DCLRE1C: variants seen among roughly 807,000 people sequenced by gnomAD.
DCLRE1C encodes protein artemis.
Under a neutral mutation model 61.4 loss-of-function variants are expected in DCLRE1C, and 47 were observed. The observed-to-expected ratio is 0.77, with a 90% CI of 0.61 to 0.98. The LOEUF (loss-of-function observed/expected upper bound fraction) is 0.98. DCLRE1C is among the 50% of genes least tolerant of loss of function. DCLRE1C has a pLI of 0.00. For missense variants in DCLRE1C, 858 were observed against 816.0 expected (o/e 1.05, Z -0.63); for synonymous variants, 337 against 287.6 (o/e 1.17, Z -1.74).
chr10:14,899,364 C>A, intron 13 of DCLRE1C: 1 of 724,718 alleles, frequency 1.4e-6, no homozygotes, highest in Non-Finnish European at 2.4e-6. Flanking sequence ...TTTTCTTCCC[C>A]TCATTTTCCC....
In DCLRE1C at chr10:14,905,866, C is replaced by T. The variant is rs1834348266; in HGVS notation, c.*2542G>A. The stretch of plus-strand genomic sequence containing the variant: ...CAGGTGTGGCACACACCTGTAATCC[C>T]AGCTACTTGGGAGGCTGAGGCAGGA... On this transcript the variant is annotated 3_prime_UTR_variant, in exon 14 of 14. Transcript: ENST00000378278. Among the ~76,000 whole-genome samples the T allele has an allele frequency of 6.6e-6, 1 of 152,146 alleles. No individual in the cohort carries two copies. The highest frequency in any genetic ancestry group is 2.4e-5 in the African/African-American group (1 of 41,426).
intron 10 of DCLRE1C, 96 bp downstream of exon 10, chr10:14,927,920 T>C: frequency 1.0e-6 from 1 of 998,304 alleles, no homozygotes; most frequent in Non-Finnish European, 1.4e-6. Flanking sequence ...TATATAATTA[T>C]ATTCTTGGGC....
At chr10:14,938,595 A>C (rs1008664249) in intron 4 of DCLRE1C, among the ~76,000 whole-genome samples, 17 of 152,200 alleles carry the variant, frequency 1.1e-4, no homozygotes, top group Non-Finnish European at 2.4e-4. Context: ...AAAGGTTAAA[A>C]AAAGGGGGGC....
chr10:14,925,186 C>T (rs1198842681), intron 11 of DCLRE1C, among the ~76,000 whole-genome samples: 1 of 142,182 alleles, frequency 7.0e-6, no homozygotes, highest in Non-Finnish European at 1.5e-5. Flanking sequence ...AAAGCTGAGG[C>T]TGGTAGAAAT....
chr10:14,945,580 C>A, intron 2 of DCLRE1C: 3 of 1,031,676 alleles, frequency 2.9e-6, no homozygotes, highest in Non-Finnish European at 3.5e-6. Flanking sequence ...AAAGATACCG[C>A]CACACATTAC....
At chr10:14,912,163 G>A (rs552593990) in intron 13 of DCLRE1C, among the ~76,000 whole-genome samples, 2 of 152,304 alleles carry the variant, frequency 1.3e-5, no homozygotes, top group East Asian at 1.9e-4. Flanking sequence ...TAAGGCTGGA[G>A]ACTTGATCTG....
intron 13 of DCLRE1C, among the ~76,000 whole-genome samples, chr10:14,916,508 G>A (rs1195042812): frequency 6.6e-6 from 1 of 152,142 alleles, no homozygotes; most frequent in East Asian, 1.9e-4. Flanking sequence ...TGATTAAAGA[G>A]GTTCAACCAT....
downstream of DCLRE1C, among the ~76,000 whole-genome samples, chr10:14,900,046 C>A (rs193296392): frequency 6.6e-6 from 1 of 152,172 alleles, no homozygotes; most frequent in Non-Finnish European, 1.5e-5. Flanking sequence ...TGGAAGTTAA[C>A]ACGACTACAT....
intron 13 of DCLRE1C, among the ~76,000 whole-genome samples, chr10:14,916,215 G>A (rs185514364): frequency 6.6e-6 from 1 of 152,252 alleles, no homozygotes; most frequent in African/African-American, 2.4e-5. Flanking sequence ...ACCCACTCTT[G>A]CCACTTGTTT....
chr10:14,919,468 A>C (rs758428501), intron 13 of DCLRE1C, among the ~76,000 whole-genome samples: 7 of 152,156 alleles, frequency 4.6e-5, no homozygotes, highest in Non-Finnish European at 8.8e-5. Context: ...GCCTCTACTG[A>C]TCTTAGGGTG....
chr10:14,933,166 C>G (rs41297952), intron 8 of DCLRE1C, among the ~76,000 whole-genome samples: 36 of 152,172 alleles, frequency 2.4e-4, no homozygotes, highest in African/African-American at 8.2e-4. Context: ...CCATCACTGA[C>G]GTCAGTGAAC....
downstream of DCLRE1C, chr10:14,902,509 C>G: frequency 6.4e-7 from 1 of 1,565,974 alleles, no homozygotes; most frequent in Non-Finnish European, 8.6e-7. Flanking sequence ...GTTACCTCAA[C>G]TGAACTTTTT....
chr10:14,927,015 A>G (rs556966079), intron 10 of DCLRE1C, 118 bp from the exon 11 acceptor site: 3 of 797,968 alleles, frequency 3.8e-6, no homozygotes, highest in Non-Finnish European at 6.4e-6. Flanking sequence ...GGCTCGCTTC[A>G]GCAGCAAGTG....
At chr10:14,940,420 C>G (rs1840686752) in intron 3 of DCLRE1C, among the ~76,000 whole-genome samples, 1 of 151,940 alleles carries the variant, frequency 6.6e-6, no homozygotes, top group Non-Finnish European at 1.5e-5. Flanking sequence ...TCCCAAGTAG[C>G]TGGGATGACA....
At chr10:14,902,562 T>C, downstream of DCLRE1C, 1 of 1,183,100 alleles carries the variant, frequency 8.5e-7, no homozygotes, top group Non-Finnish European at 1.2e-6. Flanking sequence ...TTCCTAATGT[T>C]AACATTTTTA....
chr10:14,934,334 A>AC (rs763858712), intron 8 of DCLRE1C, 46 bp downstream of exon 8: 3 of 1,597,174 alleles, frequency 1.9e-6, no homozygotes, highest in Non-Finnish European at 2.6e-6. Context: ...TCTCAAAAAA[A>AC]AAAAAAAAAG....
chr10:14,945,204 G>T lies in DCLRE1C; in HGVS notation c.162-15C>A. 1 of 1,606,694 alleles carries T rather than the reference G, an allele frequency of 6.2e-7. No homozygotes were observed. Among genetic ancestry groups the T allele is most frequent in the South Asian group, 1.1e-5 (1 of 90,052 alleles). On this transcript the variant is annotated splice_polypyrimidine_tract_variant and intron_variant, in intron 2 of 13. Coordinates refer to ENST00000378278, the MANE Select transcript of DCLRE1C (RefSeq NM_001033855.3). ...AAACCTTCAAGCTGAAAGGAAAAAA[G>T]AAAAAAACTTTCAGTACAATCCAAA... is the stretch of plus-strand genomic sequence containing the variant.
At chr10:14,930,872 T>C (rs1294323560) in intron 9 of DCLRE1C, among the ~76,000 whole-genome samples, 2 of 152,240 alleles carry the variant, frequency 1.3e-5, no homozygotes, top group East Asian at 1.9e-4. Flanking sequence ...ACATAGAATA[T>C]GCAGCTTACC....
rs765148535 is a variant in DCLRE1C at position 14,928,065 on chromosome 10, A to G, written c.868T>C (p.Ser290Pro). The change falls in exon 10 of 14, where the codon TCC (serine) becomes CCC (proline). Residue 290 changes from serine (S) to proline (P), a missense_variant. Transcript: ENST00000378278. Reference sequence around the variant, plus strand: ...CTCCTTTCTCCAAACCACATGGTGGATGGCTTAATGCTGATTATGTGGAGT... The same window carrying G: ...CTCCTTTCTCCAAACCACATGGTGGGTGGCTTAATGCTGATTATGTGGAGT... ...IPLHIISIKP[S>P]TMWFGERSRK... is the part of the protein sequence containing the mutation. 1.9e-6 allele frequency: 3 copies of G among 1,613,856 alleles called. No individual in the cohort carries two copies. The East Asian group carries it at 6.7e-5, about 36-fold the overall frequency.
Sources: gnomAD v4.1 joint callset for allele counts (sites outside exome capture counted in the v4.1 genomes callset) on GRCh38, gnomAD v4.1.1 for gene constraint, MANE v1.5 for transcripts, NCBI Gene and HGNC (gene_info 2026-07-23, HGNC 2026-07-21) for gene names.